Variants in IRAG2 observed in about 807,000 individuals in gnomAD.
The protein encoded by IRAG2 is lymphoid restricted membrane protein.
IRAG2 carries 45 observed loss-of-function variants against 69.9 expected under a neutral mutation model. The observed-to-expected ratio is 0.64, with a 90% CI of 0.51 to 0.83. The LOEUF is 0.83. Among genes scored for constraint, IRAG2 ranks in the 40% least tolerant of loss-of-function variants. The pLI is 0.00. For synonymous variants in IRAG2, 193 were observed against 202.4 expected (o/e 0.95, Z 0.40); for missense variants, 520 against 587.0 (o/e 0.89, Z 1.18).
intron 1 of IRAG2, among the ~76,000 whole-genome samples, 190 bp downstream of exon 1, chr12:25,053,146 A>G (rs548907792): frequency 1.3e-5 from 2 of 152,040 alleles, no homozygotes; most frequent in Middle Eastern, 3.2e-3. Flanking sequence ...GCATGGGTTT[A>G]ACCATTAACT....
intron 9 of IRAG2, among the ~76,000 whole-genome samples, chr12:25,027,463 T>C (rs1591929989): frequency 6.6e-6 from 1 of 151,540 alleles, no homozygotes; most frequent in Non-Finnish European, 1.5e-5. Context: ...GGTGCAATCT[T>C]GGCTCACTGC....
chr12:25,079,727 G>C lies in IRAG2; in HGVS notation c.208G>C (p.Asp70His), dbSNP rs1408595228. 6.2e-7 allele frequency: 1 copy of C among 1,613,844 alleles called. No individual in the cohort carries two copies. The highest frequency in any genetic ancestry group is 2.2e-5 in the East Asian group (1 of 44,882). ...DRNSLCKKEE[D>H]TRSASPTIEA... Reference sequence around the variant, plus strand: ...AAACTCGCTCTGTAAGAAAGAGGAGGATACAAGATCAGCTTCTCCCACGAT... The same window carrying C: ...AAACTCGCTCTGTAAGAAAGAGGAGCATACAAGATCAGCTTCTCCCACGAT... Residue 70 changes from aspartate to histidine, a missense_variant, in exon 9 of 22, where the codon GAT becomes CAT. Coordinates refer to ENST00000556887, the MANE Select transcript of IRAG2 (RefSeq NM_001366544.2).
intron 9 of IRAG2, 61 bp downstream of exon 9, chr12:25,079,824 C>A: frequency 1.9e-6 from 2 of 1,038,014 alleles, no homozygotes; most frequent in Non-Finnish European, 3.0e-6. Flanking sequence ...AGTCTATAAG[C>A]TAGTGAAGTA....
At chr12:25,041,800 C>T (rs1944752484) in intron 16 of IRAG2, among the ~76,000 whole-genome samples, 1 of 150,704 alleles carries the variant, frequency 6.6e-6, no homozygotes, top group South Asian at 2.1e-4. Flanking sequence ...AGCCACAGCA[C>T]CAAGCCAGAG....
chr12:25,052,501 G>A (rs2139882020), upstream of IRAG2: 1 of 396,956 alleles, frequency 2.5e-6, no homozygotes, highest in South Asian at 1.4e-4. Context: ...CTAACAGTGA[G>A]CAGAGGAAGT....
exon 1 of IRAG2, chr12:25,004,768 T>G (rs1944418283): frequency 8.1e-7 from 1 of 1,231,912 alleles, no homozygotes; most frequent in Admixed American, 4.2e-5. Context: ...AAAAGCAGAG[T>G]TTTTCTCTAA....
At chr12:25,081,381 G>A (rs928245647) in intron 9 of IRAG2, among the ~76,000 whole-genome samples, 3 of 152,154 alleles carry the variant, frequency 2.0e-5, no homozygotes, top group Non-Finnish European at 2.9e-5. Flanking sequence ...GGAGAATGGC[G>A]TGAACCCGGG....
intron 1 of IRAG2, among the ~76,000 whole-genome samples, chr12:25,057,252 A>ATTTTTTTTTTTTTTTTTTTTTTTTTTTTT: frequency 2.2e-5 from 2 of 89,052 alleles, no homozygotes; most frequent in Non-Finnish European, 3.9e-5. Context: ...AGGTAGACAG[A>ATTTTTTTTTTTTTTTTTTTTTTTTTTTTT]TTTTTTTTTT....
chr12:25,032,493 AT>A, intron 12 of IRAG2: 1 of 397,108 alleles, frequency 2.5e-6, no homozygotes, highest in Non-Finnish European at 4.4e-6. Context: ...TATTTTCTCT[AT>A]TTTTCTCCAT....
chr12:25,083,769 A>G (rs1367358167), intron 10 of IRAG2, among the ~76,000 whole-genome samples: 3 of 152,228 alleles, frequency 2.0e-5, no homozygotes, highest in African/African-American at 7.2e-5. Context: ...TATTCATCAA[A>G]AGTCAATTGG....
intron 1 of IRAG2, among the ~76,000 whole-genome samples, chr12:25,055,142 G>A (rs1945151270): frequency 6.6e-6 from 1 of 152,236 alleles, no homozygotes; most frequent in Non-Finnish European, 1.5e-5. Flanking sequence ...GATGCAGCTG[G>A]TTTGTCCAAA....
At chr12:25,049,982 CAAAAAAAAA>C (rs56185966), upstream of IRAG2, among the ~76,000 whole-genome samples, 123 of 71,254 alleles carry the variant, frequency 1.7e-3, 5 homozygotes, top group South Asian at 5.9e-3. Context: ...AACTGTGTCT[CAAAAAAAAA>C]AAAAAAAAAA....
At chr12:25,103,419 A>G (rs1403015875) in intron 17 of IRAG2, 2 of 160,618 alleles carry the variant, frequency 1.2e-5, no homozygotes, top group Non-Finnish European at 2.7e-5. Flanking sequence ...TGGATTAACA[A>G]CAAAAAATTT....
intron 13 of IRAG2, 72 bp from the exon 14 acceptor site, chr12:25,089,985 T>G (rs1947926490): frequency 6.8e-7 from 1 of 1,478,870 alleles, no homozygotes; most frequent in Non-Finnish European, 9.4e-7. Flanking sequence ...TATAAAACAG[T>G]ATTAAACTGA....
intron 14 of IRAG2, 49 bp downstream of exon 14, chr12:25,090,246 A>T: frequency 6.4e-7 from 1 of 1,557,742 alleles, no homozygotes; most frequent in East Asian, 2.2e-5. Context: ...AGCCAGGCAC[A>T]GTGGCTCACA....
intron 6 of IRAG2, among the ~76,000 whole-genome samples, chr12:25,017,920 A>G (rs1944544451): frequency 6.6e-6 from 1 of 152,160 alleles, no homozygotes; most frequent in Admixed American, 6.5e-5. Context: ...TCTGGGCATT[A>G]CATATAAATG....
At chr12:25,107,165 T>TA in intron 21 of IRAG2, 115 bp downstream of exon 21, 1 of 469,850 alleles carries the variant, frequency 2.1e-6, no homozygotes, top group Non-Finnish European at 3.8e-6. Context: ...TTGTTGTATT[T>TA]AAGATGAATA....
chr12:25,019,051 G>A (rs1253842155), intron 6 of IRAG2, among the ~76,000 whole-genome samples: 1 of 152,112 alleles, frequency 6.6e-6, no homozygotes, highest in African/African-American at 2.4e-5. Flanking sequence ...CAGCTGCCAT[G>A]CTCAAACCCC....
chr12:25,077,277 A>AATATATATATCAT (rs1172159542), intron 6 of IRAG2, among the ~76,000 whole-genome samples: 3 of 21,824 alleles, frequency 1.4e-4, no homozygotes, highest in Non-Finnish European at 2.8e-4. Flanking sequence ...ATATATATGA[A>AATATATATATCAT]ATATATATGA....
Sources: gnomAD v4.1 joint callset for allele counts (sites outside exome capture counted in the v4.1 genomes callset) on GRCh38, gnomAD v4.1.1 for gene constraint, MANE v1.5 for transcripts, NCBI Gene and HGNC (gene_info 2026-07-23, HGNC 2026-07-21) for gene names.